The following ERCC6L2 variants were observed in gnomAD, a reference collection of about 807,000 sequenced individuals.
ERCC6L2 encodes ERCC excision repair 6 like 2.
A neutral mutation model predicts 132.0 loss-of-function variants in ERCC6L2; 77 were observed. That is an observed-to-expected ratio of 0.58 (90% confidence interval 0.49 to 0.71). The LOEUF (loss-of-function observed/expected upper bound fraction) is 0.71, where lower values mean the gene tolerates loss of function less well. Among genes scored for constraint, ERCC6L2 ranks in the 30% least tolerant of loss-of-function variants. The pLI is 0.00. For missense variants in ERCC6L2, 1,542 were observed against 1,837.6 expected, an observed-to-expected ratio of 0.84 and a Z score of 2.94; for synonymous variants, 583 against 632.4, an observed-to-expected ratio of 0.92 and a Z score of 1.17.
At chr9:95,927,935 GA>G (rs1177285424) in intron 9 of ERCC6L2, 143 bp from the exon 10 acceptor site, 3 of 548,980 alleles carry the variant, frequency 5.5e-6, no homozygotes, top group Non-Finnish European at 9.6e-6. Flanking sequence ...CTCTAACTTG[GA>G]AAAAATGAAA....
intron 12 of ERCC6L2, among the ~76,000 whole-genome samples, chr9:95,942,301 A>G (rs1043839343): frequency 2.6e-5 from 4 of 152,218 alleles, no homozygotes; most frequent in Admixed American, 1.3e-4. Flanking sequence ...CATTTTAATT[A>G]TGAATGGGAA....
intron 17 of ERCC6L2, among the ~76,000 whole-genome samples, chr9:95,989,022 G>A (rs1833197350): frequency 6.6e-6 from 1 of 152,196 alleles, no homozygotes; most frequent in Non-Finnish European, 1.5e-5. Flanking sequence ...TTAGGATAGA[G>A]ATGAAGAGCT....
intron 3 of ERCC6L2, among the ~76,000 whole-genome samples, chr9:95,902,875 C>T (rs777117321): frequency 1.8e-4 from 27 of 151,986 alleles, no homozygotes; most frequent in Admixed American, 6.6e-4. Context: ...TAGTCCTTAA[C>T]GATATATCCT....
In ERCC6L2 at chr9:95,881,348, C is replaced by T. The variant is rs1587834988; in HGVS notation, c.471+55C>T. On this transcript the variant is annotated intron_variant, in intron 2 of 18. Transcript: ENST00000653738. The stretch of plus-strand genomic sequence containing the variant: ...ACTTTACTGTGTACATGAGTGGATA[C>T]TATATGTAAATCTTTATTTGTACTG... 5 of 1,318,532 alleles carry T rather than the reference C, an allele frequency of 3.8e-6. 1 individual carries two copies. The South Asian group carries it at 8.7e-5, about 23-fold the overall frequency. 81.7% of individuals were successfully genotyped at this position (1,318,532 alleles called of 1,614,324 possible).
At chr9:95,919,746 A>G (rs563159429) in intron 6 of ERCC6L2, among the ~76,000 whole-genome samples, 71 of 152,384 alleles carry the variant, frequency 4.7e-4, no homozygotes, top group Non-Finnish European at 7.9e-4. Flanking sequence ...CCAGATGTGC[A>G]TGACTTCACA....
chr9:96,009,551 T>A (rs1833965048), intron 18 of ERCC6L2, among the ~76,000 whole-genome samples: 1 of 152,252 alleles, frequency 6.6e-6, no homozygotes, highest in African/African-American at 2.4e-5. Flanking sequence ...CTGCTTTTGA[T>A]ACACTTGCTG....
chr9:95,905,800 C>T (rs1219875213), intron 3 of ERCC6L2, among the ~76,000 whole-genome samples: 1 of 152,010 alleles, frequency 6.6e-6, no homozygotes, highest in African/African-American at 2.4e-5. Flanking sequence ...GACAAATGGC[C>T]TAGGTTAAAT....
intron 4 of ERCC6L2, among the ~76,000 whole-genome samples, chr9:95,911,534 ATATT>A (rs554252405): frequency 5.6e-4 from 85 of 152,198 alleles, no homozygotes; most frequent in East Asian, 1.3e-3. Context: ...TTATGATTTT[ATATT>A]TATTTATTTA....
chr9:96,014,774 C>A lies in ERCC6L2; in HGVS notation c.*1571C>A, dbSNP rs1834142286. 6.6e-6 allele frequency among the ~76,000 whole-genome samples: 1 copy of A among 152,044 alleles called. No homozygotes were observed. The highest frequency in any genetic ancestry group is 2.4e-5 in the African/African-American group (1 of 41,380). ...TGCAGCTGAGTTGTGTCCAGACTTACCAGATGGTATGTTTTGCCATTGAGG... is the reference window on the plus strand; with the variant it reads ...TGCAGCTGAGTTGTGTCCAGACTTAACAGATGGTATGTTTTGCCATTGAGG... On this transcript the variant is annotated 3_prime_UTR_variant, in exon 19 of 19. Transcript: ENST00000653738.
At chr9:95,897,161 A>G (rs938899232) in intron 2 of ERCC6L2, among the ~76,000 whole-genome samples, 5 of 152,044 alleles carry the variant, frequency 3.3e-5, no homozygotes, top group Non-Finnish European at 5.9e-5. Context: ...TGCCAAAATT[A>G]TTTTTTGCCA....
exon 20 of ERCC6L2, chr9:96,038,950 T>C (rs1366030806): frequency 2.2e-6 from 1 of 456,272 alleles, no homozygotes; most frequent in South Asian, 1.5e-5. Context: ...AGCAGCCATA[T>C]GGAGAGCCCA....
chr9:95,936,831 A>C (rs1830575920), intron 11 of ERCC6L2, among the ~76,000 whole-genome samples: 1 of 152,114 alleles, frequency 6.6e-6, no homozygotes, highest in Admixed American at 6.6e-5. Flanking sequence ...CATTTCTGTA[A>C]TTTAGAACAA....
intron 1 of ERCC6L2, among the ~76,000 whole-genome samples, chr9:95,877,338 GC>G (rs895492287): frequency 2.1e-5 from 3 of 145,804 alleles, no homozygotes; most frequent in African/African-American, 7.6e-5. Flanking sequence ...TTCCCTTAAG[GC>G]TTTTTTTTTT....
At chr9:96,037,811 A>C (rs1362551082) in intron 19 of ERCC6L2, among the ~76,000 whole-genome samples, 2 of 152,106 alleles carry the variant, frequency 1.3e-5, no homozygotes, top group Non-Finnish European at 2.9e-5. Context: ...AGGGAGAAGG[A>C]GGAGCCAGAG....
chr9:95,924,201 T>G (rs1000464644), intron 9 of ERCC6L2, among the ~76,000 whole-genome samples: 12 of 143,668 alleles, frequency 8.4e-5, no homozygotes, highest in South Asian at 4.3e-4. Context: ...GCAGTTTTTG[T>G]TTTTTTTTTA....
chr9:96,008,666 T>C (rs140914483), intron 18 of ERCC6L2, among the ~76,000 whole-genome samples: 28 of 152,246 alleles, frequency 1.8e-4, no homozygotes, highest in African/African-American at 6.5e-4. Context: ...TCAGAAAAGG[T>C]TGTGATGAGC....
At chr9:95,962,760 T>TA (rs1831968731) in intron 13 of ERCC6L2, among the ~76,000 whole-genome samples, 1 of 152,194 alleles carries the variant, frequency 6.6e-6, no homozygotes, top group Non-Finnish European at 1.5e-5. Flanking sequence ...TTCCTCTACT[T>TA]ACGATGGGGC....
chr9:95,971,945 G>C lies in ERCC6L2; in HGVS notation c.2194G>C (p.Asp732His), dbSNP rs1588001665. 7.7e-7 allele frequency: 1 copy of C among 1,298,152 alleles called. No individual in the cohort carries two copies. Among genetic ancestry groups the C allele is most frequent in the Middle Eastern group, 2.1e-4 (1 of 4,652 alleles). 80.4% of individuals were successfully genotyped at this position (1,298,152 alleles called of 1,614,324 possible). ...GTTTCTCCTATAGCCTAGACAGCCT[G>C]ACTGTCAGGAATGCAGAGGTACAGA... ...AHKLEMPRQP[D>H]CQECRGTEQA... The change falls in exon 16 of 19, where the codon GAC (aspartate) becomes CAC (histidine). Residue 732 changes from aspartate (D) to histidine (H), a missense_variant. By Grantham distance (81) the Asp-to-His change is moderately conservative. This residue lies in a region of ERCC6L2 where 945 missense variants were observed against 1,105.2 expected (regional missense o/e 0.86). Coordinates refer to ENST00000653738, the MANE Select transcript of ERCC6L2 (RefSeq NM_020207.7).
chr9:96,035,483 GC>G (rs1190394682), intron 19 of ERCC6L2, among the ~76,000 whole-genome samples: 1 of 152,176 alleles, frequency 6.6e-6, no homozygotes, highest in Admixed American at 6.5e-5. Flanking sequence ...AAAGAGAGGA[GC>G]TACCCTCTCC....
Sources: gnomAD v4.1 joint callset for allele counts (sites outside exome capture counted in the v4.1 genomes callset) on GRCh38, gnomAD v4.1.1 for gene constraint, gnomAD v4.1.1 regional missense constraint, MANE v1.5 for transcripts, NCBI Gene and HGNC (gene_info 2026-07-23, HGNC 2026-07-21) for gene names.